The following ATF6 variants were observed in gnomAD, a reference collection of about 807,000 sequenced individuals.
ATF6 encodes the protein cyclic AMP-dependent transcription factor ATF-6 alpha.
In ATF6, 53 loss-of-function variants were observed where a neutral mutation model predicts 83.6. That is an observed-to-expected ratio of 0.63 (90% CI 0.51 to 0.80). The LOEUF (loss-of-function observed/expected upper bound fraction) is 0.80, where lower values mean the gene tolerates loss of function less well. Ranked by LOEUF, ATF6 falls within the 30% of genes least tolerant of loss-of-function variation. The pLI, the probability that ATF6 is intolerant of heterozygous loss-of-function variation, is 0.00. For synonymous variants in ATF6, 288 were observed against 285.8 expected, an observed-to-expected ratio of 1.01 and a Z score of -0.08; for missense variants, 744 against 797.9, an observed-to-expected ratio of 0.93 and a Z score of 0.81.
intron 14 of ATF6, among the ~76,000 whole-genome samples, chr1:161,903,769 G>A (rs1687834107): frequency 6.6e-6 from 1 of 152,158 alleles, no homozygotes; most frequent in African/African-American, 2.4e-5. Context: ...TAGAAATTAA[G>A]TGATGGAAGC....
At chr1:161,890,777 G>T (rs1451732114) in intron 14 of ATF6, 1 of 152,766 alleles carries the variant, frequency 6.5e-6, no homozygotes, top group East Asian at 1.9e-4. Context: ...ACTTCCTGCT[G>T]CACCACTTCC....
intron 3 of ATF6, among the ~76,000 whole-genome samples, chr1:161,782,770 A>C (rs757588234): frequency 4.1e-4 from 61 of 147,578 alleles, no homozygotes; most frequent in Non-Finnish European, 7.0e-4. Context: ...TGTGGGATAC[A>C]CAAAGTCAGT....
rs571477598 is a variant in ATF6, at chr1:161,908,136, A to G, written c.1720-4160A>G. On this transcript the variant is annotated intron_variant, in intron 14 of 15. Coordinates refer to ENST00000367942, the MANE Select transcript of ATF6 (RefSeq NM_007348.4). ...ACTAGTCGTGAATGTTCCCTGTGCT[A>G]TGGGCACCAGTCAGTGAGTTTTATA... is the stretch of plus-strand genomic sequence containing the variant. Among the ~76,000 whole-genome samples, 303 of 152,306 alleles carry G rather than the reference A, an allele frequency of 2.0e-3. 1 individual carries two copies. Among genetic ancestry groups the G allele is most frequent in the Non-Finnish European group, 3.3e-3 (221 of 67,992 alleles).
chr1:161,962,568 A>C lies in ATF6; in HGVS notation c.*3914A>C, dbSNP rs944087460. ...TGTATTTGACTTTCTAACACATTGC[A>C]AAGTTTCAAAGTGACTTTCACTTTC... On this transcript the variant is annotated 3_prime_UTR_variant, in exon 16 of 16. Transcript: ENST00000367942. 6.6e-6 allele frequency: 1 copy of C among 152,256 alleles called. No individual in the cohort carries two copies. The highest frequency in any genetic ancestry group is 6.5e-5 in the Admixed American group (1 of 15,288). 9.4% of individuals were successfully genotyped at this position (152,256 alleles called of 1,614,324 possible).
At chr1:161,817,518 T>TGTGTGTGTGTGA (rs1685640659) in intron 7 of ATF6, among the ~76,000 whole-genome samples, 1 of 152,086 alleles carries the variant, frequency 6.6e-6, no homozygotes, top group Admixed American at 6.5e-5. Flanking sequence ...TGCGTGCGTG[T>TGTGTGTGTGTGA]GTGTGTGTGT....
intron 14 of ATF6, among the ~76,000 whole-genome samples, chr1:161,866,690 G>A (rs1287485388): frequency 6.6e-6 from 1 of 152,210 alleles, no homozygotes. Context: ...CACTTTGAGT[G>A]TAGAATAACT....
intron 15 of ATF6, among the ~76,000 whole-genome samples, chr1:161,937,134 C>T (rs997123503): frequency 5.9e-5 from 9 of 151,844 alleles, no homozygotes; most frequent in African/African-American, 2.2e-4. Context: ...AAAATATTGA[C>T]GCTAGAATGA....
At chr1:161,767,865 C>CT (rs952183097) in intron 1 of ATF6, among the ~76,000 whole-genome samples, 1 of 152,020 alleles carries the variant, frequency 6.6e-6, no homozygotes, top group African/African-American at 2.4e-5. Context: ...TTCTTTACCT[C>CT]TTTTTTTGAG....
intron 14 of ATF6, among the ~76,000 whole-genome samples, chr1:161,894,448 C>G: frequency 7.3e-6 from 1 of 137,514 alleles, no homozygotes; most frequent in East Asian, 2.1e-4. Flanking sequence ...AACGTTTGGG[C>G]TTAGTTTTAA....
chr1:161,875,823 G>A (rs959647377), intron 14 of ATF6, among the ~76,000 whole-genome samples: 2 of 151,866 alleles, frequency 1.3e-5, no homozygotes, highest in African/African-American at 2.4e-5. Context: ...AATGCTTTAT[G>A]TGTATTTCCC....
chr1:161,861,621 G>T (rs1686888093), intron 13 of ATF6, among the ~76,000 whole-genome samples: 1 of 152,026 alleles, frequency 6.6e-6, no homozygotes, highest in Non-Finnish European at 1.5e-5. Flanking sequence ...CATTATTTGT[G>T]GATTCCATAT....
At chr1:161,841,755 A>G (rs1178487329) in intron 9 of ATF6, among the ~76,000 whole-genome samples, 1 of 152,210 alleles carries the variant, frequency 6.6e-6, no homozygotes, top group Non-Finnish European at 1.5e-5. Context: ...GGTTAAGGGT[A>G]TATTGTCATT....
At chr1:161,769,383 T>C (rs1217728237) in intron 1 of ATF6, among the ~76,000 whole-genome samples, 2 of 152,224 alleles carry the variant, frequency 1.3e-5, no homozygotes, top group Non-Finnish European at 2.9e-5. Context: ...TTGGTTACAA[T>C]TGATGAGCCA....
intron 9 of ATF6, among the ~76,000 whole-genome samples, chr1:161,831,416 G>A (rs1199462794): frequency 3.3e-5 from 5 of 152,166 alleles, no homozygotes; most frequent in South Asian, 4.2e-4. Flanking sequence ...AACTAGAAAT[G>A]CCATTTGACC....
At chr1:161,884,996 G>A (rs1163019932) in intron 14 of ATF6, among the ~76,000 whole-genome samples, 2 of 152,110 alleles carry the variant, frequency 1.3e-5, no homozygotes, top group African/African-American at 4.8e-5. Flanking sequence ...AAATGGAGGT[G>A]TCTATAGAGG....
chr1:161,780,408 C>T (rs145473874), intron 2 of ATF6, among the ~76,000 whole-genome samples: 2 of 151,310 alleles, frequency 1.3e-5, no homozygotes, highest in Non-Finnish European at 2.9e-5. Context: ...GAGTCTTGCT[C>T]TGTCGCCCAG....
intron 13 of ATF6, among the ~76,000 whole-genome samples, chr1:161,862,039 A>G (rs1475164172): frequency 1.3e-5 from 2 of 152,236 alleles, no homozygotes; most frequent in Non-Finnish European, 2.9e-5. Flanking sequence ...ACAGAAACAC[A>G]TAAATAAGGT....
At chr1:161,893,906 C>T (rs1350179420) in intron 14 of ATF6, among the ~76,000 whole-genome samples, 1 of 152,126 alleles carries the variant, frequency 6.6e-6, no homozygotes, top group African/African-American at 2.4e-5. Context: ...AAATTTTCTC[C>T]AATCCCTGGC....
At chr1:161,877,409 TG>T (rs1687238504) in intron 14 of ATF6, among the ~76,000 whole-genome samples, 1 of 151,918 alleles carries the variant, frequency 6.6e-6, no homozygotes, top group African/African-American at 2.4e-5. Flanking sequence ...ATCTCAAACA[TG>T]GGGGGAATTC....
Sources: gnomAD v4.1 joint callset for allele counts (sites outside exome capture counted in the v4.1 genomes callset) on GRCh38, gnomAD v4.1.1 for gene constraint, MANE v1.5 for transcripts, NCBI Gene and HGNC (gene_info 2026-07-23, HGNC 2026-07-21) for gene names.